The following ADA2 variants were observed in gnomAD, a reference collection of about 807,000 sequenced individuals.
ADA2 encodes the protein adenosine deaminase CECR1.
A neutral mutation model predicts 44.2 loss-of-function variants in ADA2; 29 were observed. The observed-to-expected ratio is 0.66, with a 90% confidence interval of 0.49 to 0.89. The LOEUF is 0.89. Ranked by LOEUF, ADA2 falls within the 40% of genes least tolerant of loss-of-function variation. ADA2 has a pLI of 0.00. For missense variants in ADA2, 637 were observed against 644.8 expected (o/e 0.99, Z 0.13); for synonymous variants, 215 against 234.9 (o/e 0.92, Z 0.77).
At chr22:17,198,188 C>T (rs2062218301) in intron 4 of ADA2, among the ~76,000 whole-genome samples, 1 of 152,202 alleles carries the variant, frequency 6.6e-6, no homozygotes, top group Non-Finnish European at 1.5e-5. Flanking sequence ...AGGTGACAGT[C>T]ACTAGAGTGA....
intron 4 of ADA2, chr22:17,199,613 G>C (rs746416123): frequency 1.9e-6 from 3 of 1,613,974 alleles, no homozygotes; most frequent in African/African-American, 2.7e-5. Flanking sequence ...GAAGCCAGAT[G>C]CTCTCTGGGA....
intron 4 of ADA2, chr22:17,199,841 G>T: frequency 9.5e-7 from 1 of 1,051,108 alleles, no homozygotes. Flanking sequence ...TACTTTGGGA[G>T]GCCGACGTGG....
intron 1 of ADA2, chr22:17,213,899 C>A (rs1376615176): frequency 9.7e-6 from 3 of 308,044 alleles, no homozygotes; most frequent in Non-Finnish European, 1.9e-5. Flanking sequence ...ATTAGCTGGG[C>A]GTGGTGGTGT....
rs1165460424 is a variant in ADA2 at position 17,191,700 on chromosome 22, G to A, written c.864C>T (p.Ile288=). 3.7e-6 allele frequency: 6 copies of A among 1,613,424 alleles called. No homozygotes were observed. Among genetic ancestry groups the A allele is most frequent in the Non-Finnish European group, 5.1e-6 (6 of 1,179,648 alleles). The change falls in exon 5 of 10, where the codon ATC becomes ATT. Residue 288 remains isoleucine, a synonymous_variant. Coordinates refer to ENST00000399837, the MANE Select transcript of ADA2 (RefSeq NM_001282225.2). The stretch of plus-strand genomic sequence containing the variant: ...TCTCTCACCTGTGATCCGAATAAAT[G>A]ATTTTGATTCCAATAAACTCAGGGT... The part of the protein sequence containing the change: ...ETHPEFIGIK[I]IYSDHRSKDV...
At position 17,181,964 on chromosome 22, in the gene ADA2, C is replaced by G. The variant is rs1353513770; in HGVS notation, c.1298G>C (p.Gly433Ala). ...NHPVATLMATGHPMVISSDDP... is the reference protein window; with the variant it reads ...NHPVATLMATAHPMVISSDDP... ...ATCAGAGCTGATCACCATGGGGTGC[C>G]CAGTGGCCATCAGAGTGGCTACAGG... Residue 433 changes from glycine (G) to alanine (A), a missense_variant, in exon 9 of 10, where the codon GGG becomes GCG. Transcript: ENST00000399837. 1 of 1,614,020 alleles carries G rather than the reference C, an allele frequency of 6.2e-7. No homozygotes were observed. The highest frequency in any genetic ancestry group is 8.5e-7 in the Non-Finnish European group (1 of 1,180,036).
Position 17,199,952 on chromosome 22 carries a change from T to A in ADA2, c.753+3611A>T, listed in dbSNP as rs929196196. On this transcript the variant is annotated intron_variant, in intron 4 of 9. Transcript: ENST00000399837. ...GCTCACGCCTGTAATCCCAGCACTT[T>A]GGGATGCCAAGGTGGGTGGATCACT... is the stretch of plus-strand genomic sequence containing the variant. Among the ~76,000 whole-genome samples, 32 of 152,206 alleles carry A rather than the reference T, an allele frequency of 2.1e-4. 2 individuals carry two copies. The highest frequency in any genetic ancestry group is 1.8e-3 in the Admixed American group (27 of 15,272).
intron 1 of ADA2, among the ~76,000 whole-genome samples, chr22:17,215,773 G>A (rs1475429500): frequency 6.6e-6 from 1 of 152,072 alleles, no homozygotes; most frequent in Non-Finnish European, 1.5e-5. Flanking sequence ...AGAATAGAAA[G>A]ATAGACACCA....
intron 5 of ADA2, among the ~76,000 whole-genome samples, chr22:17,190,257 G>C (rs1409631890): frequency 1.3e-5 from 2 of 152,192 alleles, no homozygotes; most frequent in African/African-American, 2.4e-5. Flanking sequence ...GCTGGCTCTG[G>C]GGGCACCTGT....
chr22:17,203,643 T>C lies in ADA2; in HGVS notation c.673A>G (p.Arg225Gly). 6.2e-7 allele frequency: 1 copy of C among 1,614,042 alleles called. No individual in the cohort carries two copies. Among genetic ancestry groups the C allele is most frequent in the Non-Finnish European group, 8.5e-7 (1 of 1,179,938 alleles). The stretch of plus-strand genomic sequence containing the variant: ...TGCATGCTCCGGAAGACATAGTCTC[T>C]GAACACTGGTGCGTAATGGATGAGA... ...SGLIHYAPVF[R>G]DYVFRSMQEF... Residue 225 changes from arginine (R) to glycine (G), a missense_variant, in exon 4 of 10, where the codon AGA becomes GGA. Physicochemically the swap from Arg to Gly is moderately radical, Grantham distance 125. Coordinates refer to ENST00000399837, the MANE Select transcript of ADA2 (RefSeq NM_001282225.2).
chr22:17,198,015 G>C (rs1202019385), intron 4 of ADA2, among the ~76,000 whole-genome samples: 1 of 149,458 alleles, frequency 6.7e-6, no homozygotes, highest in Non-Finnish European at 1.5e-5. Context: ...TCCAGTCTGG[G>C]CAACAAGAAC....
chr22:17,186,071 T>A (rs1305225853), intron 7 of ADA2, among the ~76,000 whole-genome samples: 1 of 152,192 alleles, frequency 6.6e-6, no homozygotes, highest in Non-Finnish European at 1.5e-5. Context: ...TGATGGCGTT[T>A]CAGGAGGAAC....
upstream of ADA2, chr22:17,219,451 G>A (rs2062503991): frequency 6.6e-6 from 1 of 152,214 alleles, no homozygotes; most frequent in Non-Finnish European, 1.5e-5. Context: ...ACTTCCTGTT[G>A]GGGTAGGTTT....
intron 5 of ADA2, 61 bp from the exon 6 acceptor site, chr22:17,190,093 G>T: frequency 7.6e-7 from 1 of 1,313,084 alleles, no homozygotes. Flanking sequence ...ACAAACCCCA[G>T]AGCACACCCT....
chr22:17,209,210 C>T (rs569564643), intron 2 of ADA2, 146 bp downstream of exon 2: 2 of 694,832 alleles, frequency 2.9e-6, no homozygotes, highest in Non-Finnish European at 4.8e-6. Context: ...TTTTCCTAGT[C>T]TACCCATAAG....
chr22:17,208,034 C>T (rs1374839193), intron 2 of ADA2, among the ~76,000 whole-genome samples: 1 of 152,094 alleles, frequency 6.6e-6, no homozygotes, highest in African/African-American at 2.4e-5. Context: ...CTGACACGAG[C>T]CCCCAGACAC....
intron 3 of ADA2, 72 bp from the exon 4 acceptor site, chr22:17,203,845 GCT>G: frequency 1.1e-6 from 1 of 949,098 alleles, no homozygotes; most frequent in Admixed American, 2.0e-5. Flanking sequence ...CCATAGGACT[GCT>G]ACCCACCTTG....
chr22:17,198,551 G>GC (rs1328847737), intron 4 of ADA2: 1 of 152,238 alleles, frequency 6.6e-6, no homozygotes, highest in Non-Finnish European at 1.5e-5. Flanking sequence ...CCAGGCAAAA[G>GC]CATGGGGGCT....
At chr22:17,185,156 T>A (rs2062021752) in intron 7 of ADA2, among the ~76,000 whole-genome samples, 1 of 151,466 alleles carries the variant, frequency 6.6e-6, no homozygotes, top group Non-Finnish European at 1.5e-5. Flanking sequence ...CTCACACCTG[T>A]AATCCCACCA....
chr22:17,191,893 CCTGGCCAGCCACCCCTGCCCAACCA>C, intron 4 of ADA2, 83 bp from the exon 5 acceptor site: 1 of 1,427,384 alleles, frequency 7.0e-7, no homozygotes, highest in African/African-American at 1.7e-5. Context: ...CCCAGCCACC[CCTGGCCAGCCACCCCTGCCCAACCA>C]CCCCCTTCCC....
Sources: gnomAD v4.1 joint callset for allele counts (sites outside exome capture counted in the v4.1 genomes callset) on GRCh38, gnomAD v4.1.1 for gene constraint, MANE v1.5 for transcripts, NCBI Gene and HGNC (gene_info 2026-07-23, HGNC 2026-07-21) for gene names.